The following CHERP variants were observed in gnomAD, a reference collection of about 807,000 sequenced individuals.
CHERP encodes ERPROT 213-21.
CHERP carries 8 observed loss-of-function variants against 113.8 expected under a neutral mutation model. That is an observed-to-expected ratio of 0.07 (90% CI 0.04 to 0.13). CHERP has a LOEUF of 0.13. CHERP is among the 10% of genes least tolerant of loss of function. The pLI, the probability that CHERP is intolerant of heterozygous loss-of-function variation, is 1.00. For synonymous variants in CHERP, 559 were observed against 524.5 expected (o/e 1.07, Z -0.90); for missense variants, 884 against 1,298.2 (o/e 0.68, Z 4.90).
In CHERP at chr19:16,542,021, G is replaced by A. The variant is rs768482079; in HGVS notation, c.48C>T (p.Ile16=). 3.3e-5 allele frequency: 53 copies of A among 1,613,366 alleles called. No individual in the cohort carries two copies. The highest frequency in any genetic ancestry group is 1.7e-4 in the Middle Eastern group (1 of 5,858). ...GAGCCACGAACTGGGCGAGCTTGTCGATGACATTTCGAAGCTCCTGGTCTG... is the reference window on the plus strand; with the variant it reads ...GAGCCACGAACTGGGCGAGCTTGTCAATGACATTTCGAAGCTCCTGGTCTG... ...PPDDQELRNV[I]DKLAQFVARN... is the part of the protein sequence containing the mutation. Residue 16 remains isoleucine, a synonymous_variant, in exon 2 of 17, where the codon ATC becomes ATT. Coordinates refer to ENST00000546361, the MANE Select transcript of CHERP (RefSeq NM_006387.6).
intron 11 of CHERP, among the ~76,000 whole-genome samples, chr19:16,522,179 G>C (rs955752185): frequency 6.6e-6 from 1 of 152,062 alleles, no homozygotes; most frequent in Non-Finnish European, 1.5e-5. Flanking sequence ...CTGGACTTCA[G>C]GTGGATGTGT....
At chr19:16,539,478 C>A (rs756106305) in intron 2 of CHERP, among the ~76,000 whole-genome samples, 1 of 152,082 alleles carries the variant, frequency 6.6e-6, no homozygotes, top group Non-Finnish European at 1.5e-5. Flanking sequence ...TGTGCTGGGG[C>A]TAAGGAAGGA....
At chr19:16,536,515 G>A (rs1195949321) in intron 2 of CHERP, among the ~76,000 whole-genome samples, 2 of 152,132 alleles carry the variant, frequency 1.3e-5, no homozygotes, top group African/African-American at 4.8e-5. Flanking sequence ...CAGGTGGAAG[G>A]TGTCGCCCCT....
intron 2 of CHERP, among the ~76,000 whole-genome samples, chr19:16,539,439 G>T (rs544993778): frequency 5.1e-4 from 78 of 152,178 alleles, no homozygotes; most frequent in African/African-American, 1.8e-3. Context: ...GAGCCACCGC[G>T]CCCGGCCTAG....
In CHERP at chr19:16,519,444, A is replaced by G. The variant is rs750871357; in HGVS notation, c.2558-92T>C. 2 of 1,394,300 alleles carry G rather than the reference A, an allele frequency of 1.4e-6. No individual in the cohort carries two copies. The allele number at this position is 1,394,300 out of a possible 1,614,324, so 86.4% of individuals were successfully genotyped here. A position where few individuals can be genotyped will look rare whatever the true frequency, so the allele number is the denominator to read the frequency against. On this transcript the variant is annotated intron_variant, in intron 16 of 16. Transcript: ENST00000546361. The surrounding 1 kb of genome is among the most constrained non-coding windows in gnomAD (Gnocchi z 6.0). ...GAATGTCCAGACAGGCAGTGTAGACATGGGAAATGGGTAGAGAGAACCCGC... is the reference window on the plus strand; with the variant it reads ...GAATGTCCAGACAGGCAGTGTAGACGTGGGAAATGGGTAGAGAGAACCCGC...
chr19:16,534,031 A>G (rs571034697), intron 3 of CHERP, among the ~76,000 whole-genome samples: 1 of 150,464 alleles, frequency 6.6e-6, no homozygotes, highest in African/African-American at 2.5e-5. Context: ...GCTGAGGGTG[A>G]GCATTCTGGA....
At chr19:16,529,930 G>A in intron 7 of CHERP, 30 bp from the exon 8 acceptor site, 1 of 1,600,196 alleles carries the variant, frequency 6.2e-7, no homozygotes, top group South Asian at 1.1e-5. Context: ...CCGCTGCTCA[G>A]TATGCGGCCT....
In CHERP at chr19:16,518,459, T is replaced by A. The variant is rs1046165540; in HGVS notation, c.*700A>T. 6.6e-6 allele frequency: 1 copy of A among 151,974 alleles called. No individual in the cohort carries two copies. Among genetic ancestry groups the A allele is most frequent in the Non-Finnish European group, 1.5e-5 (1 of 68,014 alleles). The allele number at this position is 151,974 out of a possible 1,614,324, so 9.4% of individuals were successfully genotyped here. On this transcript the variant is annotated 3_prime_UTR_variant, in exon 17 of 17. Coordinates refer to ENST00000546361, the MANE Select transcript of CHERP (RefSeq NM_006387.6). The stretch of plus-strand genomic sequence containing the variant: ...AAATGGCTACATTCCAGAAAAAAAA[T>A]ATCAACTTATACAACTAAAATAACT...
chr19:16,529,437 T>G (rs1320973944), intron 8 of CHERP, among the ~76,000 whole-genome samples: 1 of 152,206 alleles, frequency 6.6e-6, no homozygotes, highest in East Asian at 1.9e-4. Flanking sequence ...AAACAGATCT[T>G]CTGCTGTTCA....
At chr19:16,521,821 G>T (rs973394603) in intron 11 of CHERP, among the ~76,000 whole-genome samples, 167 bp from the exon 12 acceptor site, 1 of 152,148 alleles carries the variant, frequency 6.6e-6, no homozygotes, top group African/African-American at 2.4e-5. Flanking sequence ...TCTCTTGTAG[G>T]ACCTCAGCCA....
In CHERP at chr19:16,519,766, G is replaced by A. The variant is rs1329521956; in HGVS notation, c.2463-51C>T. 3 of 1,476,568 alleles carry A rather than the reference G, an allele frequency of 2.0e-6. No individual in the cohort carries two copies. The highest frequency in any genetic ancestry group is 2.8e-6 in the Non-Finnish European group (3 of 1,055,142). The allele number at this position is 1,476,568 out of a possible 1,614,324, so 91.5% of individuals were successfully genotyped here. A position where few individuals can be genotyped will look rare whatever the true frequency, so the allele number is the denominator to read the frequency against. On this transcript the variant is annotated intron_variant, in intron 15 of 16. Transcript: ENST00000546361. The surrounding 1 kb of genome is among the most constrained non-coding windows in gnomAD (Gnocchi z 6.0). The stretch of plus-strand genomic sequence containing the variant: ...TTAAGAAGTAACTGAGACATTTATT[G>A]GAATGACAGTGATGAGGACCTCACA...
In CHERP at chr19:16,518,074, T is replaced by G. The variant is rs972040609; in HGVS notation, c.*1085A>C. 6.6e-6 allele frequency: 1 copy of G among 152,194 alleles called. No homozygotes were observed. The highest frequency in any genetic ancestry group is 1.5e-5 in the Non-Finnish European group (1 of 68,036). The allele number at this position is 152,194 out of a possible 1,614,324, so 9.4% of individuals were successfully genotyped here. A position where few individuals can be genotyped will look rare whatever the true frequency, so the allele number is the denominator to read the frequency against. On this transcript the variant is annotated 3_prime_UTR_variant, in exon 17 of 17. Coordinates refer to ENST00000546361, the MANE Select transcript of CHERP (RefSeq NM_006387.6). ...AAAGTTGGAAGATTTTGCATCTTAT[T>G]GAAAAGAATTTTTCAAAAATGTTTC...
In CHERP at chr19:16,532,098, C is replaced by T. The variant is rs58797623; in HGVS notation, c.674+500G>A. The T allele has an allele frequency of 0.04, 6,200 of 153,696 alleles. 176 individuals are homozygous for T. Among genetic ancestry groups the T allele is most frequent in the African/African-American group, 0.08 (3,314 of 41,334 alleles). 9.5% of individuals were successfully genotyped at this position (153,696 alleles called of 1,614,324 possible). A position where few individuals can be genotyped will look rare whatever the true frequency, so the allele number is the denominator to read the frequency against. Reference sequence around the variant, plus strand: ...TGAGGGCTGGGTGGGGACAGAGGGTCGGCAGATGTGGCTCTGTTGAAGCCT... The same window carrying T: ...TGAGGGCTGGGTGGGGACAGAGGGTTGGCAGATGTGGCTCTGTTGAAGCCT... On this transcript the variant is annotated intron_variant, in intron 5 of 16. Coordinates refer to ENST00000546361, the MANE Select transcript of CHERP (RefSeq NM_006387.6). The surrounding 1 kb of genome is among the most constrained non-coding windows in gnomAD (Gnocchi z 4.4).
At chr19:16,536,217 C>T (rs2085740475) in intron 2 of CHERP, among the ~76,000 whole-genome samples, 1 of 152,184 alleles carries the variant, frequency 6.6e-6, no homozygotes, top group African/African-American at 2.4e-5. Flanking sequence ...GGACAGAGAC[C>T]CCTCTGCATT....
chr19:16,520,407 T>C lies in CHERP; in HGVS notation c.2302A>G (p.Arg768Gly). 2 of 1,614,078 alleles carry C rather than the reference T, an allele frequency of 1.2e-6. No homozygotes were observed. Among genetic ancestry groups the C allele is most frequent in the Non-Finnish European group, 1.7e-6 (2 of 1,179,980 alleles). Residue 768 changes from arginine (R) to glycine (G), a missense_variant, in exon 14 of 17, where the codon AGG becomes GGG. Coordinates refer to ENST00000546361, the MANE Select transcript of CHERP (RefSeq NM_006387.6). The surrounding 1 kb of genome is among the most constrained non-coding windows in gnomAD (Gnocchi z 4.0). The stretch of plus-strand genomic sequence containing the variant: ...TAGGAACGGGAGCAGGAGCGCGACC[T>C]TGACCTTGAGTACGAGCCTGAAGAC... The part of the protein sequence containing the change: ...SKSSGSYSRS[R>G]SRSCSRSYSR...
intron 2 of CHERP, among the ~76,000 whole-genome samples, chr19:16,539,215 T>G (rs1362340419): frequency 6.7e-6 from 1 of 148,868 alleles, no homozygotes; most frequent in Non-Finnish European, 1.5e-5. Context: ...TGGTGCGATC[T>G]CGGCTCACTG....
rs1055396638 is a variant in CHERP at position 16,525,552 on chromosome 19, G to A, written c.1431C>T (p.Asp477=). ...CGTCGGGCTGGTTGTTCCAGGGCGC[G>A]TCGCGCTGGCCGTTCCAGCCGGGGT... ...RGDPGWNGQR[D]APWNNQPDAA... The change falls in exon 10 of 17, where the codon GAC becomes GAT. Residue 477 remains aspartate (D), a synonymous_variant. Coordinates refer to ENST00000546361, the MANE Select transcript of CHERP (RefSeq NM_006387.6). This position sits in a 1 kb window ranked among gnomAD's most constrained non-coding sequence, Gnocchi z 6.5. The A allele has an allele frequency of 3.2e-6, 5 of 1,542,530 alleles. No homozygotes were observed. Among genetic ancestry groups the A allele is most frequent in the East Asian group, 2.4e-5 (1 of 41,006 alleles).
intron 2 of CHERP, among the ~76,000 whole-genome samples, chr19:16,540,359 G>A (rs1383179242): frequency 6.6e-6 from 1 of 151,080 alleles, no homozygotes; most frequent in Non-Finnish European, 1.5e-5. Flanking sequence ...AAGCCACTGG[G>A]CCTGGCCTCC....
rs536176824 is a variant in CHERP, at chr19:16,542,072, G to A, written c.26-29C>T. ...GAGGACGGAGAAAAGGCCACGCGGGGCGTCAGCGAGGACCGCCCAAAGCCG... is the reference window on the plus strand; with the variant it reads ...GAGGACGGAGAAAAGGCCACGCGGGACGTCAGCGAGGACCGCCCAAAGCCG... On this transcript the variant is annotated intron_variant, in intron 1 of 16. Transcript: ENST00000546361. 5 of 1,592,912 alleles carry A rather than the reference G, an allele frequency of 3.1e-6. No individual in the cohort carries two copies. In the African/African-American group the frequency reaches 5.4e-5, roughly 17 times the overall value.
Sources: gnomAD v4.1 joint callset for allele counts (sites outside exome capture counted in the v4.1 genomes callset) on GRCh38, gnomAD v4.1.1 for gene constraint, Gnocchi (gnomAD v3.1) non-coding constraint, MANE v1.5 for transcripts, NCBI Gene and HGNC (gene_info 2026-07-23, HGNC 2026-07-21) for gene names.